CHKB: variants seen among roughly 807,000 people sequenced by gnomAD.
CHKB encodes choline kinase beta.
A neutral mutation model predicts 57.3 loss-of-function variants in CHKB; 45 were observed. That is an observed-to-expected ratio of 0.79 (90% CI 0.62 to 1.01). The LOEUF is 1.01. Among genes scored for constraint, CHKB ranks in the 50% least tolerant of loss-of-function variants. The pLI, the probability that CHKB is intolerant of heterozygous loss-of-function variation, is 0.00. For missense variants in CHKB, 517 were observed against 502.8 expected (o/e 1.03, Z -0.27); for synonymous variants, 224 against 201.8 (o/e 1.11, Z -0.93).
chr22:50,581,341 G>A, intron 4 of CHKB, 79 bp downstream of exon 4: 2 of 1,573,422 alleles, frequency 1.3e-6, no homozygotes, highest in Non-Finnish European at 1.7e-6. Context: ...GTGGAGGGCT[G>A]GATAGAGCCC....
intron 2 of CHKB, 67 bp from the exon 3 acceptor site, chr22:50,581,929 T>C: frequency 2.9e-6 from 4 of 1,369,086 alleles, no homozygotes; most frequent in Non-Finnish European, 4.2e-6. Context: ...AGGGCTCGCC[T>C]TCCTCCCACC....
Position 50,582,359 on chromosome 22 carries a change from T to C in CHKB, c.225-2A>G. The C allele has an allele frequency of 6.4e-7, 1 of 1,553,178 alleles. No individual in the cohort carries two copies. Among genetic ancestry groups the C allele is most frequent in the Non-Finnish European group, 8.7e-7 (1 of 1,150,874 alleles). On this transcript the variant is annotated splice_acceptor_variant, in intron 1 of 10. Transcript: ENST00000406938. LOFTEE classifies it high-confidence loss of function. ...AAGAGCAGGTTGCTGAGGCCTCCGC[T>C]GCAGACCCACACCAGGCGCGCTCAG... is the stretch of plus-strand genomic sequence containing the variant.
In CHKB at chr22:50,582,793, G is replaced by T. The variant is rs775122642; in HGVS notation, c.-12C>A. ...GCCTCGGCCGCCATGGCGCGGGCTC[G>T]ACCGGGCCCCAGGCCAGGCTGCGCT... is the stretch of plus-strand genomic sequence containing the variant. On this transcript the variant is annotated 5_prime_UTR_variant, in exon 1 of 11. Transcript: ENST00000406938. 6.4e-7 allele frequency: 1 copy of T among 1,554,290 alleles called. No homozygotes were observed. The highest frequency in any genetic ancestry group is 1.2e-5 in the South Asian group (1 of 85,402).
rs1472273128 is a variant in CHKB, at chr22:50,579,719, T to G, written c.1031+8A>C. The G allele has an allele frequency of 1.3e-6, 2 of 1,575,006 alleles. No homozygotes were observed. Among genetic ancestry groups the G allele is most frequent in the African/African-American group, 2.7e-5 (2 of 74,070 alleles). ...CTGCCCTACCCCACCCTGCCCCTCC[T>G]TCCTCACCGACTGACTTCTACCAGC... On this transcript the variant is annotated splice_region_variant and intron_variant, in intron 9 of 10. Transcript: ENST00000406938.
chr22:50,582,668 G>A lies in CHKB; in HGVS notation c.114C>T (p.Ala38=). 6.2e-7 allele frequency: 1 copy of A among 1,608,902 alleles called. No homozygotes were observed. Among genetic ancestry groups the A allele is most frequent in the African/African-American group, 1.3e-5 (1 of 74,844 alleles). Residue 38 remains alanine, a synonymous_variant, in exon 1 of 11, where the codon GCC becomes GCT. Coordinates refer to ENST00000406938, the MANE Select transcript of CHKB (RefSeq NM_005198.5). The part of the protein sequence containing the change: ...CPDTTPKRRR[A]SSLSRDAERR... ...GCTCGGCGTCACGCGACAGCGACGAGGCGCGCCGCCGTTTTGGGGTAGTGT... is the reference window on the plus strand; with the variant it reads ...GCTCGGCGTCACGCGACAGCGACGAAGCGCGCCGCCGTTTTGGGGTAGTGT...
chr22:50,579,925 C>T (rs984131563), intron 8 of CHKB, 49 bp downstream of exon 8: 4 of 1,599,056 alleles, frequency 2.5e-6, no homozygotes, highest in Middle Eastern at 1.7e-4. Flanking sequence ...CTCCACCTCC[C>T]TCCTTCCTCA....
In CHKB at chr22:50,582,244, C is replaced by A; in HGVS notation, c.333+5G>T. 2 of 1,581,874 alleles carry A rather than the reference C, an allele frequency of 1.3e-6. No homozygotes were observed. The highest frequency in any genetic ancestry group is 1.7e-6 in the Non-Finnish European group (2 of 1,166,016). ...CTGGTGCTGCGGCGCTCACACCCCC[C>A]TCACCTGCAAGATGGCTCCGTACAG... On this transcript the variant is annotated splice_donor_5th_base_variant and intron_variant, in intron 2 of 10. Coordinates refer to ENST00000406938, the MANE Select transcript of CHKB (RefSeq NM_005198.5).
chr22:50,582,333 G>T lies in CHKB; in HGVS notation c.249C>A (p.Phe83Leu). 1 of 1,574,028 alleles carries T rather than the reference G, an allele frequency of 6.4e-7. No homozygotes were observed. Among genetic ancestry groups the T allele is most frequent in the Non-Finnish European group, 8.6e-7 (1 of 1,162,426 alleles). ...GCAGGTGGTCCGGGAGCGAGCAGCG[G>T]AAGAGCAGGTTGCTGAGGCCTCCGC... is the stretch of plus-strand genomic sequence containing the variant. ...PVSGGLSNLL[F>L]RCSLPDHLPS... Residue 83 changes from phenylalanine (F) to leucine (L), a missense_variant, in exon 2 of 11, where the codon TTC becomes TTA. Transcript: ENST00000406938.
At chr22:50,582,450 CAG>C (rs2070716264) in intron 1 of CHKB, 93 bp from the exon 2 acceptor site, 2 of 1,465,838 alleles carry the variant, frequency 1.4e-6, no homozygotes, top group Admixed American at 4.4e-5. Flanking sequence ...CGCCCCGCCC[CAG>C]GCGCGGGCGC....
chr22:50,581,502 T>C lies in CHKB; in HGVS notation c.499A>G (p.Ile167Val), dbSNP rs2146656161. ...TGAAATTGCGCCATCTTCGTGGCAA[T>C]GGCTGCTGACAACACTGGCTCTCGA... ...ELREPVLSAA[I>V]ATKMAQFHGM... Residue 167 changes from isoleucine (I) to valine (V), a missense_variant, in exon 4 of 11, where the codon ATT becomes GTT. Transcript: ENST00000406938. 1 of 1,613,990 alleles carries C rather than the reference T, an allele frequency of 6.2e-7. No individual in the cohort carries two copies. Among genetic ancestry groups the C allele is most frequent in the Non-Finnish European group, 8.5e-7 (1 of 1,180,030 alleles).
chr22:50,580,765 G>A (rs2070675501), intron 4 of CHKB, 105 bp from the exon 5 acceptor site: 1 of 962,106 alleles, frequency 1.0e-6, no homozygotes, highest in Non-Finnish European at 1.6e-6. Flanking sequence ...ATCACTGTGT[G>A]ACTTGTCCGG....
chr22:50,581,944 C>G, intron 2 of CHKB, 82 bp from the exon 3 acceptor site: 1 of 1,213,034 alleles, frequency 8.2e-7, no homozygotes, highest in Non-Finnish European at 1.2e-6. Flanking sequence ...CCCACCAGAG[C>G]TGCGACTTCT....
At chr22:50,580,991 G>C (rs1417770523) in intron 4 of CHKB, among the ~76,000 whole-genome samples, 2 of 152,154 alleles carry the variant, frequency 1.3e-5, no homozygotes, top group Non-Finnish European at 2.9e-5. Flanking sequence ...GTGTTGTCCA[G>C]GCTGGTTTTG....
rs151123092 is a variant in CHKB, at chr22:50,579,261, G to A, written c.1114-6C>T. 236 of 1,613,430 alleles carry A rather than the reference G, an allele frequency of 1.5e-4. 2 individuals are homozygous for A. In the East Asian group the frequency reaches 5.1e-3, roughly 35 times the overall value. ...AACCGAGACTGGGCATAGTCCTAGG[G>A]AAGGAAACCCACCCCACACAGTGGT... On this transcript the variant is annotated splice_polypyrimidine_tract_variant and splice_region_variant and intron_variant, in intron 10 of 10. Coordinates refer to ENST00000406938, the MANE Select transcript of CHKB (RefSeq NM_005198.5).
intron 4 of CHKB, 62 bp downstream of exon 4, chr22:50,581,358 C>T: frequency 1.9e-6 from 3 of 1,602,128 alleles, no homozygotes; most frequent in Admixed American, 1.7e-5. Flanking sequence ...GCCCCCGACA[C>T]ATCCGCTGGC....
chr22:50,579,959 C>G lies in CHKB; in HGVS notation c.927+15G>C. ...CACAGGATGGGTCCTGCTCCCCAGC[C>G]TCTGGCCCACATACCTGCTGTTCTT... is the stretch of plus-strand genomic sequence containing the variant. On this transcript the variant is annotated intron_variant, in intron 8 of 10. Transcript: ENST00000406938. The G allele has an allele frequency of 6.2e-7, 1 of 1,612,832 alleles. No homozygotes were observed. Among genetic ancestry groups the G allele is most frequent in the Non-Finnish European group, 8.5e-7 (1 of 1,178,846 alleles).
chr22:50,582,250 T>C lies in CHKB; in HGVS notation c.332A>G (p.Gln111Arg). Residue 111 changes from glutamine to arginine, a missense_variant and splice_region_variant, in exon 2 of 11, where the codon CAG becomes CGG. Coordinates refer to ENST00000406938, the MANE Select transcript of CHKB (RefSeq NM_005198.5). ...VLLRLYGAILQGVDSLVLESV... is the reference protein window; with the variant it reads ...VLLRLYGAILRGVDSLVLESV... Reference sequence around the variant, plus strand: ...CTGCGGCGCTCACACCCCCCTCACCTGCAAGATGGCTCCGTACAGCCGCAG... The same window carrying C: ...CTGCGGCGCTCACACCCCCCTCACCCGCAAGATGGCTCCGTACAGCCGCAG... 1 of 1,586,804 alleles carries C rather than the reference T, an allele frequency of 6.3e-7. No homozygotes were observed. The highest frequency in any genetic ancestry group is 8.6e-7 in the Non-Finnish European group (1 of 1,168,694).
At position 50,579,196 on chromosome 22, in the gene CHKB, G is replaced by C. The variant is rs980683552; in HGVS notation, c.1173C>G (p.Val391=). 3 of 1,613,768 alleles carry C rather than the reference G, an allele frequency of 1.9e-6. No homozygotes were observed. The East Asian group carries it at 6.7e-5, about 36-fold the overall frequency. ...YFQQKGQLTS[V]HSSS is the part of the protein sequence containing the mutation. ...GAGGGTGGAGTCAGGATGAGGAGTG[G>C]ACACTGGTCAGCTGCCCCTTCTGCT... The change falls in exon 11 of 11, where the codon GTC becomes GTG. Residue 391 remains valine (V), a synonymous_variant. Transcript: ENST00000406938.
chr22:50,579,629 C>T, intron 9 of CHKB, 98 bp downstream of exon 9: 8 of 1,495,300 alleles, frequency 5.4e-6, no homozygotes, highest in Non-Finnish European at 6.5e-6. Flanking sequence ...TAACTCCACT[C>T]TCCACAGCCA....
Sources: allele counts gnomAD v4.1 joint callset (sites outside exome capture counted in the v4.1 genomes callset), GRCh38; gene constraint gnomAD v4.1.1; transcripts MANE v1.5; gene names NCBI Gene and HGNC (gene_info 2026-07-23, HGNC 2026-07-21).